The following ADAMTS3 variants were observed in gnomAD, a reference collection of about 807,000 sequenced individuals.
ADAMTS3 encodes the protein ADAM metallopeptidase with thrombospondin type 1 motif 3, also known as A disintegrin and metalloproteinase with thrombospondin motifs 3.
Under a neutral mutation model 129.0 loss-of-function variants are expected in ADAMTS3, and 73 were observed. The ratio of observed to expected loss-of-function variants is 0.57; its 90% CI spans 0.47 to 0.69. The LOEUF is 0.69. Among genes scored for constraint, ADAMTS3 ranks in the 30% least tolerant of loss-of-function variants. The pLI is 0.00. For missense variants in ADAMTS3, 1,457 were observed against 1,514.5 expected (o/e 0.96, Z 0.63); for synonymous variants, 477 against 510.8 (o/e 0.93, Z 0.89).
At chr4:72,530,334 T>A (rs1484004743) in intron 3 of ADAMTS3, among the ~76,000 whole-genome samples, 1 of 85,092 alleles carries the variant, frequency 1.2e-5, no homozygotes, top group Admixed American at 2.3e-4. Context: ...TATGTTAATA[T>A]AATATATAAT....
At chr4:72,463,698 C>CAAAAAAA (rs3034505) in intron 3 of ADAMTS3, among the ~76,000 whole-genome samples, 2 of 123,358 alleles carry the variant, frequency 1.6e-5, no homozygotes, top group Non-Finnish European at 1.7e-5. Flanking sequence ...CTAAAACAGG[C>CAAAAAAA]AAAAAAAAAA....
chr4:72,477,857 G>A (rs1331015446), intron 3 of ADAMTS3, among the ~76,000 whole-genome samples: 1 of 151,816 alleles, frequency 6.6e-6, no homozygotes, highest in East Asian at 1.9e-4. Context: ...TGATAAAGGG[G>A]ATATCACCAC....
intron 3 of ADAMTS3, among the ~76,000 whole-genome samples, chr4:72,500,817 G>A (rs183040169): frequency 6.8e-4 from 103 of 151,950 alleles, no homozygotes; most frequent in African/African-American, 2.4e-3. Flanking sequence ...GAGTAGTTCC[G>A]TTCTTCTGCA....
chr4:72,366,619 C>G (rs181399551), intron 4 of ADAMTS3, among the ~76,000 whole-genome samples: 1 of 152,098 alleles, frequency 6.6e-6, no homozygotes. Context: ...CTTCATTCTA[C>G]TGCATAAAGC....
chr4:72,436,032 G>T (rs533725595), intron 3 of ADAMTS3, among the ~76,000 whole-genome samples: 1 of 151,824 alleles, frequency 6.6e-6, no homozygotes, highest in Non-Finnish European at 1.5e-5. Context: ...GAGCTTCTGC[G>T]CAACAAAAGA....
At chr4:72,513,874 TA>T (rs1291629768) in intron 3 of ADAMTS3, among the ~76,000 whole-genome samples, 4 of 152,174 alleles carry the variant, frequency 2.6e-5, no homozygotes, top group African/African-American at 9.7e-5. Flanking sequence ...CAGTGTCTGT[TA>T]TTAGGGTAAA....
Position 72,524,707 on chromosome 4 carries a change from A to G in ADAMTS3, c.504+23771T>C, listed in dbSNP as rs1159929937. On this transcript the variant is annotated intron_variant, in intron 3 of 21. Transcript: ENST00000286657. ...CCTCTCTTCACTGATATTAAATAAA[A>G]TCTTCATTGTTAGTTTAGTATGTAT... 2.6e-5 allele frequency among the ~76,000 whole-genome samples: 4 copies of G among 152,280 alleles called. No homozygotes were observed. The East Asian group carries it at 7.7e-4, about 29-fold the overall frequency.
intron 2 of ADAMTS3, among the ~76,000 whole-genome samples, chr4:72,566,143 T>G (rs1722015088): frequency 6.6e-6 from 1 of 152,154 alleles, no homozygotes. Flanking sequence ...GTGCCTTTCC[T>G]CCCCACTGTT....
intron 5 of ADAMTS3, among the ~76,000 whole-genome samples, chr4:72,331,982 T>C (rs1253014230): frequency 6.6e-6 from 1 of 152,216 alleles, no homozygotes; most frequent in Non-Finnish European, 1.5e-5. Context: ...TACAATTAGC[T>C]CCTTGTAGAA....
intron 3 of ADAMTS3, among the ~76,000 whole-genome samples, chr4:72,530,754 ATATATTATATAGATTATAT>A (rs1721012561): frequency 1.2e-4 from 3 of 25,448 alleles, no homozygotes; most frequent in East Asian, 3.6e-3. Context: ...ATTATATATT[ATATATTATATAGATTATAT>A]ATATTATATT....
In ADAMTS3 at chr4:72,384,220, T is replaced by C. The variant is rs995048425; in HGVS notation, c.661+30595A>G. Among the ~76,000 whole-genome samples the C allele has an allele frequency of 1.2e-4, 18 of 152,190 alleles. No individual in the cohort carries two copies. In the South Asian group the frequency reaches 1.7e-3, roughly 14 times the overall value. On this transcript the variant is annotated intron_variant, in intron 4 of 21. Coordinates refer to ENST00000286657, the MANE Select transcript of ADAMTS3 (RefSeq NM_014243.3). Reference sequence around the variant, plus strand: ...TACATATAACTGGAATCTGAGAGTATAGAACAAGAAAGAATTAAGAGAAAA... The same window carrying C: ...TACATATAACTGGAATCTGAGAGTACAGAACAAGAAAGAATTAAGAGAAAA...
At chr4:72,342,145 C>A (rs1439757043) in intron 4 of ADAMTS3, among the ~76,000 whole-genome samples, 2 of 152,140 alleles carry the variant, frequency 1.3e-5, no homozygotes, top group Non-Finnish European at 2.9e-5. Context: ...TGGGCATAGG[C>A]CAAACTAACT....
intron 2 of ADAMTS3, among the ~76,000 whole-genome samples, chr4:72,560,670 C>T (rs1010382256): frequency 5.3e-5 from 8 of 151,936 alleles, no homozygotes; most frequent in East Asian, 1.9e-4. Flanking sequence ...GAGCAACACA[C>T]GCTGGGGCCC....
At chr4:72,305,840 A>G in intron 16 of ADAMTS3, 147 bp downstream of exon 16, 1 of 693,370 alleles carries the variant, frequency 1.4e-6, no homozygotes, top group South Asian at 1.8e-5. Context: ...ACGTATGCAC[A>G]TGTACGTACA....
At chr4:72,380,730 T>C (rs759556221) in intron 4 of ADAMTS3, among the ~76,000 whole-genome samples, 1 of 152,134 alleles carries the variant, frequency 6.6e-6, no homozygotes, top group East Asian at 1.9e-4. Flanking sequence ...AAATACATAT[T>C]GTTGACAGGT....
chr4:72,519,035 G>T (rs1021250765), intron 3 of ADAMTS3, among the ~76,000 whole-genome samples: 1 of 150,704 alleles, frequency 6.6e-6, no homozygotes, highest in African/African-American at 2.4e-5. Context: ...CAGGCCTGGT[G>T]GTGACAAAAT....
chr4:72,412,366 A>G (rs1704578919), intron 4 of ADAMTS3, among the ~76,000 whole-genome samples: 2 of 152,048 alleles, frequency 1.3e-5, no homozygotes, highest in African/African-American at 4.8e-5. Flanking sequence ...TCCTAAACCT[A>G]ATTTTTTTCA....
At chr4:72,565,170 C>A (rs1578800318) in intron 2 of ADAMTS3, among the ~76,000 whole-genome samples, 2 of 152,252 alleles carry the variant, frequency 1.3e-5, no homozygotes, top group East Asian at 3.9e-4. Context: ...TGGTTTATTA[C>A]TCATTTATAT....
chr4:72,451,681 A>T (rs1226449379), intron 3 of ADAMTS3, among the ~76,000 whole-genome samples: 1 of 151,166 alleles, frequency 6.6e-6, no homozygotes, highest in Non-Finnish European at 1.5e-5. Context: ...CAAAACCAAA[A>T]CCCAATATAT....
Sources: gnomAD v4.1 joint callset for allele counts (sites outside exome capture counted in the v4.1 genomes callset) on GRCh38, gnomAD v4.1.1 for gene constraint, MANE v1.5 for transcripts, NCBI Gene and HGNC (gene_info 2026-07-23, HGNC 2026-07-21) for gene names.